The following CNTNAP5 variants were observed in gnomAD, a reference collection of about 807,000 sequenced individuals.
The protein encoded by CNTNAP5 is contactin-associated protein-like 5.
CNTNAP5 carries 72 observed loss-of-function variants against 150.2 expected under a neutral mutation model. The ratio of observed to expected loss-of-function variants is 0.48; its 90% CI spans 0.40 to 0.58. The LOEUF (loss-of-function observed/expected upper bound fraction) is 0.58, where lower values mean the gene tolerates loss of function less well. CNTNAP5 is among the 20% of genes least tolerant of loss of function. The pLI is 0.00. For missense variants in CNTNAP5, 1,636 were observed against 1,626.2 expected (o/e 1.01, Z -0.10); for synonymous variants, 672 against 619.8 (o/e 1.08, Z -1.25).
intron 5 of CNTNAP5, among the ~76,000 whole-genome samples, chr2:124,436,224 A>G (rs983540375): frequency 6.6e-6 from 1 of 152,204 alleles, no homozygotes; most frequent in African/African-American, 2.4e-5. Context: ...TATTTCAGTT[A>G]CTACTATTTA....
intron 3 of CNTNAP5, among the ~76,000 whole-genome samples, chr2:124,392,712 G>GAAAA (rs1691147684): frequency 9.7e-6 from 1 of 102,834 alleles, no homozygotes; most frequent in Non-Finnish European, 1.9e-5. Context: ...AAAAAAAAAG[G>GAAAA]AAAAGAAGGA....
chr2:124,149,802 C>G (rs1684359590), intron 1 of CNTNAP5, among the ~76,000 whole-genome samples: 1 of 152,214 alleles, frequency 6.6e-6, no homozygotes, highest in South Asian at 2.1e-4. Flanking sequence ...CAGCTCGCAG[C>G]TGGCCGGGCC....
chr2:124,143,658 A>G (rs1217700907), intron 1 of CNTNAP5, among the ~76,000 whole-genome samples: 1 of 116,042 alleles, frequency 8.6e-6, no homozygotes, highest in African/African-American at 3.3e-5. Flanking sequence ...AATAAGAGCT[A>G]TCTATGACAA....
At chr2:124,349,924 G>A (rs1469883849) in intron 3 of CNTNAP5, among the ~76,000 whole-genome samples, 4 of 113,914 alleles carry the variant, frequency 3.5e-5, no homozygotes, top group East Asian at 2.9e-4. Context: ...TAACTATGTC[G>A]CCCAGGCTGG....
At chr2:124,123,949 G>T (rs1160234310) in intron 1 of CNTNAP5, among the ~76,000 whole-genome samples, 4 of 152,246 alleles carry the variant, frequency 2.6e-5, no homozygotes, top group Non-Finnish European at 4.4e-5. Context: ...CACAAAGATG[G>T]AGAGAAACCA....
At chr2:124,423,910 C>T (rs554849635) in intron 4 of CNTNAP5, among the ~76,000 whole-genome samples, 73 of 151,630 alleles carry the variant, frequency 4.8e-4, no homozygotes, top group Non-Finnish European at 8.0e-4. Context: ...GTGATCCGCC[C>T]GCCTCGGCCT....
chr2:124,338,474 T>C (rs1229764429), intron 3 of CNTNAP5, among the ~76,000 whole-genome samples: 4 of 152,132 alleles, frequency 2.6e-5, no homozygotes, highest in African/African-American at 9.7e-5. Context: ...TTTTGTTATT[T>C]TAACCTCAGT....
intron 22 of CNTNAP5, among the ~76,000 whole-genome samples, chr2:124,903,922 T>C (rs1447432759): frequency 1.3e-5 from 2 of 151,770 alleles, no homozygotes; most frequent in African/African-American, 2.4e-5. Flanking sequence ...GCCGTGGTGG[T>C]GGGCACCTGT....
At chr2:124,626,294 A>G (rs1677720682) in intron 12 of CNTNAP5, among the ~76,000 whole-genome samples, 1 of 152,164 alleles carries the variant, frequency 6.6e-6, no homozygotes, top group Non-Finnish European at 1.5e-5. Context: ...GAGATGGCAG[A>G]AAAGAAACAG....
chr2:124,189,179 G>A (rs929399519), intron 1 of CNTNAP5, among the ~76,000 whole-genome samples: 6 of 152,112 alleles, frequency 3.9e-5, no homozygotes, highest in African/African-American at 1.2e-4. Context: ...TTTTTTAGGT[G>A]TTGGAGATAC....
At chr2:124,560,958 G>A (rs1695878561) in intron 10 of CNTNAP5, among the ~76,000 whole-genome samples, 2 of 151,338 alleles carry the variant, frequency 1.3e-5, no homozygotes, top group Admixed American at 1.3e-4. Flanking sequence ...CTTTCTTGGG[G>A]CCCAAAACAA....
At chr2:124,431,530 A>AAAATTTCTTTATATAAATATTATATAT (rs1692381407) in intron 4 of CNTNAP5, among the ~76,000 whole-genome samples, 1 of 114,386 alleles carries the variant, frequency 8.7e-6, no homozygotes, top group Non-Finnish European at 1.8e-5. Flanking sequence ...TATATATATA[A>AAAATTTCTTTATATAAATATTATATAT]AATTTCTTTA....
chr2:124,464,184 G>A (rs945047050), intron 6 of CNTNAP5, among the ~76,000 whole-genome samples: 1 of 152,064 alleles, frequency 6.6e-6, no homozygotes, highest in African/African-American at 2.4e-5. Context: ...TAGTAGGAGG[G>A]ATGTGAGCCT....
intron 3 of CNTNAP5, among the ~76,000 whole-genome samples, chr2:124,264,910 G>A (rs1331603135): frequency 6.6e-6 from 1 of 152,196 alleles, no homozygotes; most frequent in Non-Finnish European, 1.5e-5. Flanking sequence ...GTGTGACTGG[G>A]TGTGTCTTTG....
chr2:124,294,116 A>G (rs1294043984), intron 3 of CNTNAP5, among the ~76,000 whole-genome samples: 2 of 127,450 alleles, frequency 1.6e-5, no homozygotes, highest in African/African-American at 6.1e-5. Flanking sequence ...TTGTCCCGAC[A>G]TGGAAGCTCT....
chr2:124,665,471 C>A (rs1678678440), intron 13 of CNTNAP5, among the ~76,000 whole-genome samples: 1 of 152,158 alleles, frequency 6.6e-6, no homozygotes, highest in South Asian at 2.1e-4. Context: ...ATTTGGAAAG[C>A]ATTATTTTAT....
chr2:124,732,500 C>T (rs1209231944), intron 13 of CNTNAP5, among the ~76,000 whole-genome samples: 3 of 152,096 alleles, frequency 2.0e-5, no homozygotes, highest in African/African-American at 7.2e-5. Flanking sequence ...GACCCTAAGC[C>T]CTTCTACCTC....
At chr2:124,882,225 G>T (rs914689865) in intron 21 of CNTNAP5, among the ~76,000 whole-genome samples, 1 of 152,096 alleles carries the variant, frequency 6.6e-6, no homozygotes, top group Non-Finnish European at 1.5e-5. Flanking sequence ...AGGATATGCT[G>T]TGGTTTGAAT....
intron 1 of CNTNAP5, among the ~76,000 whole-genome samples, chr2:124,078,542 T>C (rs1682489950): frequency 6.6e-6 from 1 of 152,174 alleles, no homozygotes; most frequent in African/African-American, 2.4e-5. Flanking sequence ...CCTAAATACA[T>C]TGGTTTTATT....
Sources: allele counts gnomAD v4.1 joint callset (sites outside exome capture counted in the v4.1 genomes callset), GRCh38; gene constraint gnomAD v4.1.1; transcripts MANE v1.5; gene names NCBI Gene and HGNC (gene_info 2026-07-23, HGNC 2026-07-21).